Variants in CHCHD6 observed in about 807,000 individuals in gnomAD.
The protein encoded by CHCHD6 is MICOS complex subunit MIC25.
In CHCHD6, 28 loss-of-function variants were observed where a neutral mutation model predicts 32.3. That is an observed-to-expected ratio of 0.87 (90% CI 0.64 to 1.19). The LOEUF (loss-of-function observed/expected upper bound fraction) is 1.19, where lower values mean the gene tolerates loss of function less well. CHCHD6 is among the 50% of genes most tolerant of loss of function. CHCHD6 has a pLI of 0.00. For missense variants in CHCHD6, 333 were observed against 307.0 expected (o/e 1.08, Z -0.63); for synonymous variants, 122 against 117.5 (o/e 1.04, Z -0.25).
intron 4 of CHCHD6, among the ~76,000 whole-genome samples, chr3:126,828,526 C>A (rs1249797210): frequency 6.6e-6 from 1 of 152,224 alleles, no homozygotes; most frequent in African/African-American, 2.4e-5. Context: ...AGAGGCCACT[C>A]TGAAATCTGG....
At chr3:126,896,608 C>G (rs2077843679) in intron 5 of CHCHD6, among the ~76,000 whole-genome samples, 1 of 152,186 alleles carries the variant, frequency 6.6e-6, no homozygotes, top group Non-Finnish European at 1.5e-5. Flanking sequence ...TTGGTTTATT[C>G]CCAAAGGAAA....
intron 4 of CHCHD6, among the ~76,000 whole-genome samples, chr3:126,740,334 G>A (rs1046347712): frequency 6.6e-6 from 1 of 152,188 alleles, no homozygotes; most frequent in African/African-American, 2.4e-5. Flanking sequence ...ACAGACTTCA[G>A]CAGGCCCTGT....
chr3:126,926,005 G>A (rs2078319160), intron 6 of CHCHD6, among the ~76,000 whole-genome samples: 1 of 152,214 alleles, frequency 6.6e-6, no homozygotes, highest in Non-Finnish European at 1.5e-5. Flanking sequence ...GGAGGCCCTT[G>A]CCTCCGCTGC....
At chr3:126,922,443 G>A (rs2078264350) in intron 6 of CHCHD6, among the ~76,000 whole-genome samples, 1 of 152,170 alleles carries the variant, frequency 6.6e-6, no homozygotes, top group African/African-American at 2.4e-5. Context: ...CACACCCCAG[G>A]GAGAGGCAGG....
rs1422526993 is a variant in CHCHD6, at chr3:126,780,026, C to T, written c.411+46804C>T. Among the ~76,000 whole-genome samples the T allele has an allele frequency of 2.0e-5, 3 of 152,198 alleles. No homozygotes were observed. In the East Asian group the frequency reaches 5.8e-4, roughly 29 times the overall value. On this transcript the variant is annotated intron_variant, in intron 4 of 7. Transcript: ENST00000290913. ...TGGTCAGTTAAGTGTGTTCCAGATC[C>T]TGCCAATGAGCTTATATCACTAATA...
intron 4 of CHCHD6, among the ~76,000 whole-genome samples, chr3:126,843,478 A>G (rs1447278678): frequency 2.0e-5 from 3 of 152,196 alleles, no homozygotes; most frequent in African/African-American, 2.4e-5. Flanking sequence ...TGGTGAAGCC[A>G]TCTGGACTGG....
intron 6 of CHCHD6, among the ~76,000 whole-genome samples, chr3:126,956,029 C>T (rs2078778857): frequency 1.3e-5 from 2 of 152,176 alleles, no homozygotes; most frequent in African/African-American, 4.8e-5. Flanking sequence ...GGGTCCTGTT[C>T]CCAAGCTGTC....
At chr3:126,952,476 G>A (rs2078728882) in intron 6 of CHCHD6, among the ~76,000 whole-genome samples, 1 of 152,172 alleles carries the variant, frequency 6.6e-6, no homozygotes, top group South Asian at 2.1e-4. Flanking sequence ...GGGGCCACAG[G>A]TGGAGCTCGC....
At chr3:126,862,315 A>T (rs1344657005) in intron 5 of CHCHD6, among the ~76,000 whole-genome samples, 4 of 77,144 alleles carry the variant, frequency 5.2e-5, no homozygotes, top group Admixed American at 1.4e-4. Context: ...TACCATCATC[A>T]CCTCCTCCTC....
At chr3:126,718,980 T>C (rs757842168) in intron 1 of CHCHD6, among the ~76,000 whole-genome samples, 1 of 152,354 alleles carries the variant, frequency 6.6e-6, no homozygotes, top group African/African-American at 2.4e-5. Context: ...CATTAACCTC[T>C]TACAAACCAA....
chr3:126,889,482 C>T lies in CHCHD6; in HGVS notation c.496-25198C>T, dbSNP rs529819163. Among the ~76,000 whole-genome samples, 7 of 152,286 alleles carry T rather than the reference C, an allele frequency of 4.6e-5. No individual in the cohort carries two copies. In the South Asian group the frequency reaches 6.2e-4, roughly 14 times the overall value. On this transcript the variant is annotated intron_variant, in intron 5 of 7. Coordinates refer to ENST00000290913, the MANE Select transcript of CHCHD6 (RefSeq NM_032343.3). ...CCAGCAACCTGGTGCCCTTGGTACT[C>T]GGGCTCCTCAGCACCCACCAGGGCT...
At chr3:126,845,784 C>G (rs1472406061) in intron 4 of CHCHD6, among the ~76,000 whole-genome samples, 2 of 152,110 alleles carry the variant, frequency 1.3e-5, no homozygotes, top group African/African-American at 4.8e-5. Context: ...TCTAGCATTT[C>G]CATTTGGTTC....
At position 126,860,658 on chromosome 3, in the gene CHCHD6, A is replaced by G. The variant is rs1017404439; in HGVS notation, c.495+7928A>G. Among the ~76,000 whole-genome samples the G allele has an allele frequency of 2.0e-5, 3 of 152,346 alleles. No homozygotes were observed. In the East Asian group the frequency reaches 5.8e-4, roughly 29 times the overall value. On this transcript the variant is annotated intron_variant, in intron 5 of 7. Transcript: ENST00000290913. ...AAGGGTACCGCCAACTGGTTAGCCC[A>G]TTAACACCTTTTTTTTAGTAATGGT...
chr3:126,891,220 TTAGC>T (rs1436039685), intron 5 of CHCHD6, among the ~76,000 whole-genome samples: 1 of 152,156 alleles, frequency 6.6e-6, no homozygotes. Context: ...GGGGGTTGTG[TTAGC>T]TAGGGCTGTG....
At chr3:126,839,317 T>C (rs1940980012) in intron 4 of CHCHD6, among the ~76,000 whole-genome samples, 1 of 152,114 alleles carries the variant, frequency 6.6e-6, no homozygotes, top group South Asian at 2.1e-4. Context: ...AACAGAAAAA[T>C]GAACATAAAA....
intron 4 of CHCHD6, among the ~76,000 whole-genome samples, chr3:126,825,624 G>C (rs894576990): frequency 6.6e-6 from 1 of 152,144 alleles, no homozygotes; most frequent in Non-Finnish European, 1.5e-5. Flanking sequence ...GTGCCAAAAT[G>C]ATTCTTTTGT....
At position 126,704,450 on chromosome 3, in the gene CHCHD6, G is replaced by A. The variant is rs778576409; in HGVS notation, c.87+51G>A. 1,726 of 1,200,048 alleles carry A rather than the reference G, an allele frequency of 1.4e-3. 1 individual carries two copies. The highest frequency in any genetic ancestry group is 1.8e-3 in the Non-Finnish European group (1,623 of 905,270). 74.3% of individuals were successfully genotyped at this position (1,200,048 alleles called of 1,614,324 possible). A position where few individuals can be genotyped will look rare whatever the true frequency, so the allele number is the denominator to read the frequency against. ...CGGGCGTGGAGGCCGCGGGCGCGGG[G>A]GGGAGGTGCGGGGCGGAGCGCAGGG... On this transcript the variant is annotated intron_variant, in intron 1 of 7. Transcript: ENST00000290913.
At chr3:126,753,002 C>CTGT (rs1936792741) in intron 4 of CHCHD6, among the ~76,000 whole-genome samples, 2 of 152,292 alleles carry the variant, frequency 1.3e-5, no homozygotes, top group Admixed American at 1.3e-4. Flanking sequence ...AGAACTGTGT[C>CTGT]TGTGGACTGC....
chr3:126,705,154 A>G (rs1314216534), intron 1 of CHCHD6, among the ~76,000 whole-genome samples: 1 of 152,006 alleles, frequency 6.6e-6, no homozygotes, highest in Non-Finnish European at 1.5e-5. Context: ...TCTTGTTGTA[A>G]TTCAGATATC....
Sources: gnomAD v4.1 joint callset for allele counts (sites outside exome capture counted in the v4.1 genomes callset) on GRCh38, gnomAD v4.1.1 for gene constraint, MANE v1.5 for transcripts, NCBI Gene and HGNC (gene_info 2026-07-23, HGNC 2026-07-21) for gene names.